HCN1: variants seen among roughly 807,000 people sequenced by gnomAD.
HCN1 encodes the protein potassium/sodium hyperpolarization-activated cyclic nucleotide-gated channel 1.
Under a neutral mutation model 78.9 loss-of-function variants are expected in HCN1, and 13 were observed. That is an observed-to-expected ratio of 0.16 (90% CI 0.11 to 0.26). HCN1 has a LOEUF of 0.26. Ranked by LOEUF, HCN1 falls within the 10% of genes least tolerant of loss-of-function variation. The pLI is 1.00. For missense variants in HCN1, 810 were observed against 1,154.3 expected, an observed-to-expected ratio of 0.70 and a Z score of 4.32; for synonymous variants, 552 against 455.5, an observed-to-expected ratio of 1.21 and a Z score of -2.70.
In HCN1 at chr5:45,389,512, G is replaced by A. The variant is rs111312682; in HGVS notation, c.1230+6980C>T. Among the ~76,000 whole-genome samples, 980 of 152,226 alleles carry A rather than the reference G, an allele frequency of 6.4e-3. 5 individuals are homozygous for A. Among genetic ancestry groups the A allele is most frequent in the African/African-American group, 0.023 (945 of 41,550 alleles). On this transcript the variant is annotated intron_variant, in intron 4 of 7. Coordinates refer to ENST00000303230, the MANE Select transcript of HCN1 (RefSeq NM_021072.4). ...CCACCCACTATATTACAAGAAGCTT[G>A]ATGAGAGGAGGTACCATGTCTACTT...
intron 1 of HCN1, among the ~76,000 whole-genome samples, chr5:45,688,637 C>T (rs934237174): frequency 6.6e-6 from 1 of 152,032 alleles, no homozygotes; most frequent in South Asian, 2.1e-4. Context: ...AGAAATTTCA[C>T]TCCAAAGAGA....
intron 3 of HCN1, among the ~76,000 whole-genome samples, chr5:45,447,559 G>A (rs1335953871): frequency 6.6e-6 from 1 of 152,164 alleles, no homozygotes; most frequent in Non-Finnish European, 1.5e-5. Flanking sequence ...TTATTAATAT[G>A]TTGAAAATAA....
intron 1 of HCN1, among the ~76,000 whole-genome samples, chr5:45,691,381 T>C (rs968056859): frequency 2.0e-5 from 3 of 152,040 alleles, no homozygotes; most frequent in Non-Finnish European, 4.4e-5. Context: ...AATCATAATA[T>C]CTACTAAATG....
intron 2 of HCN1, among the ~76,000 whole-genome samples, chr5:45,594,674 A>G (rs1197421505): frequency 1.3e-5 from 2 of 152,172 alleles, no homozygotes; most frequent in Non-Finnish European, 2.9e-5. Flanking sequence ...TAGATTTTCT[A>G]TTTCTCAAAA....
In HCN1 at chr5:45,560,886, T is replaced by G. The variant is rs1041269943; in HGVS notation, c.849+84299A>C. 1.6e-4 allele frequency among the ~76,000 whole-genome samples: 25 copies of G among 152,152 alleles called. 1 individual carries two copies. The highest frequency in any genetic ancestry group is 1.5e-3 in the Admixed American group (23 of 15,252). On this transcript the variant is annotated intron_variant, in intron 2 of 7. Coordinates refer to ENST00000303230, the MANE Select transcript of HCN1 (RefSeq NM_021072.4). Reference sequence around the variant, plus strand: ...CACTGCTTAAACCTTCCATTGGCTTTTCTCTATAGCGTGGAAGTTTTTTAA... The same window carrying G: ...CACTGCTTAAACCTTCCATTGGCTTGTCTCTATAGCGTGGAAGTTTTTTAA...
chr5:45,459,300 T>C (rs541956969), intron 3 of HCN1, among the ~76,000 whole-genome samples: 29 of 151,478 alleles, frequency 1.9e-4, no homozygotes, highest in African/African-American at 6.1e-4. Context: ...TATTTGAACA[T>C]ACATGACGGT....
At chr5:45,274,993 T>C (rs184588070) in intron 6 of HCN1, among the ~76,000 whole-genome samples, 190 of 152,214 alleles carry the variant, frequency 1.2e-3, no homozygotes, top group Admixed American at 3.0e-3. Flanking sequence ...TTTCAAGAAA[T>C]ATGGAATGTT....
chr5:45,360,659 T>A (rs1237441728), intron 4 of HCN1, among the ~76,000 whole-genome samples: 1 of 152,068 alleles, frequency 6.6e-6, no homozygotes, highest in South Asian at 2.1e-4. Flanking sequence ...TAAAAATGTG[T>A]TGCTGGTTAT....
chr5:45,543,223 A>G (rs1743140008), intron 2 of HCN1, among the ~76,000 whole-genome samples: 1 of 152,142 alleles, frequency 6.6e-6, no homozygotes, highest in African/African-American at 2.4e-5. Flanking sequence ...GAAAATGACA[A>G]TCAAAACTAA....
intron 4 of HCN1, among the ~76,000 whole-genome samples, chr5:45,367,775 A>T (rs896151104): frequency 6.6e-6 from 1 of 151,968 alleles, no homozygotes; most frequent in Non-Finnish European, 1.5e-5. Context: ...TATTAAAATT[A>T]GAACCATTCA....
intron 5 of HCN1, among the ~76,000 whole-genome samples, chr5:45,340,276 A>C (rs1746549119): frequency 6.6e-6 from 1 of 152,160 alleles, no homozygotes. Context: ...TATCTTCATT[A>C]TATATTACCT....
intron 2 of HCN1, among the ~76,000 whole-genome samples, chr5:45,551,463 T>C (rs1451666875): frequency 6.6e-6 from 1 of 151,690 alleles, no homozygotes; most frequent in African/African-American, 2.4e-5. Flanking sequence ...AAGATACTAA[T>C]AAAACTCTCA....
chr5:45,306,164 T>C (rs1385555416), intron 5 of HCN1, among the ~76,000 whole-genome samples: 1 of 152,102 alleles, frequency 6.6e-6, no homozygotes, highest in Non-Finnish European at 1.5e-5. Context: ...AGAATAATAC[T>C]GTGTAGGAAA....
At chr5:45,424,950 A>T (rs1451050170) in intron 3 of HCN1, among the ~76,000 whole-genome samples, 1 of 152,202 alleles carries the variant, frequency 6.6e-6, no homozygotes, top group Non-Finnish European at 1.5e-5. Flanking sequence ...AGATGTTTTC[A>T]ATCAAGGGGT....
intron 5 of HCN1, among the ~76,000 whole-genome samples, chr5:45,314,766 A>G (rs1304753269): frequency 6.6e-6 from 1 of 152,216 alleles, no homozygotes; most frequent in Non-Finnish European, 1.5e-5. Context: ...TTGCAATCCT[A>G]GTCTCTGATA....
intron 5 of HCN1, among the ~76,000 whole-genome samples, chr5:45,330,522 A>G (rs919435705): frequency 6.6e-6 from 1 of 150,864 alleles, no homozygotes; most frequent in Non-Finnish European, 1.5e-5. Context: ...TTTCATGTAT[A>G]TGTGTATATA....
intron 6 of HCN1, among the ~76,000 whole-genome samples, chr5:45,287,085 GTGTGTGTGTGTGTC>G (rs1396123033): frequency 1.3e-5 from 2 of 151,094 alleles, no homozygotes; most frequent in Admixed American, 6.6e-5. Context: ...GTATGCGTGT[GTGTGTGTGTGTGTC>G]TGTGTGTGTG....
At chr5:45,573,979 T>A (rs569932201) in intron 2 of HCN1, among the ~76,000 whole-genome samples, 1 of 152,070 alleles carries the variant, frequency 6.6e-6, no homozygotes, top group East Asian at 1.9e-4. Context: ...ATAAGTAGAT[T>A]CCCAATAGCA....
chr5:45,627,736 T>C (rs1009407954), intron 2 of HCN1, among the ~76,000 whole-genome samples: 7 of 152,184 alleles, frequency 4.6e-5, no homozygotes, highest in African/African-American at 1.2e-4. Flanking sequence ...CTATCATATA[T>C]AGTTTTATCT....
Sources: allele counts gnomAD v4.1 joint callset (sites outside exome capture counted in the v4.1 genomes callset), GRCh38; gene constraint gnomAD v4.1.1; transcripts MANE v1.5; gene names NCBI Gene and HGNC (gene_info 2026-07-23, HGNC 2026-07-21).